Variants in NELL2 observed in about 807,000 individuals in gnomAD.
The protein encoded by NELL2 is protein kinase C-binding protein NELL2.
NELL2 carries 41 observed loss-of-function variants against 109.6 expected under a neutral mutation model. The ratio of observed to expected loss-of-function variants is 0.37; its 90% CI spans 0.29 to 0.49. NELL2 has a LOEUF of 0.49. Ranked by LOEUF, NELL2 falls within the 20% of genes least tolerant of loss-of-function variation. The pLI is 0.98. For synonymous variants in NELL2, 355 were observed against 344.7 expected (o/e 1.03, Z -0.33); for missense variants, 900 against 1,008.3 (o/e 0.89, Z 1.45).
At chr12:44,555,844 C>A (rs1943230723) in intron 15 of NELL2, among the ~76,000 whole-genome samples, 1 of 152,130 alleles carries the variant, frequency 6.6e-6, no homozygotes. Context: ...TCATTCCCTG[C>A]TTCCCTTATT....
chr12:44,720,023 G>A (rs560087364), intron 9 of NELL2, among the ~76,000 whole-genome samples: 110 of 115,458 alleles, frequency 9.5e-4, no homozygotes, highest in African/African-American at 2.5e-3. Context: ...CATTTATCCT[G>A]CCTACAACCT....
intron 9 of NELL2, among the ~76,000 whole-genome samples, chr12:44,758,726 A>T (rs1940998285): frequency 6.6e-6 from 1 of 152,176 alleles, no homozygotes; most frequent in South Asian, 2.1e-4. Flanking sequence ...TTCAATATAA[A>T]GCTGGGTTAG....
intron 5 of NELL2, among the ~76,000 whole-genome samples, chr12:44,777,911 G>GTC (rs1452381567): frequency 6.6e-6 from 1 of 152,128 alleles, no homozygotes; most frequent in Non-Finnish European, 1.5e-5. Context: ...AGCTGGAAAT[G>GTC]ACCTGTTTTA....
intron 2 of NELL2, among the ~76,000 whole-genome samples, chr12:44,832,781 A>G (rs1295397317): frequency 6.6e-6 from 1 of 152,232 alleles, no homozygotes; most frequent in Non-Finnish European, 1.5e-5. Flanking sequence ...ATTAAGACCA[A>G]AAGACTCTCC....
At chr12:44,812,897 G>A (rs1334015213) in intron 3 of NELL2, among the ~76,000 whole-genome samples, 1 of 152,150 alleles carries the variant, frequency 6.6e-6, no homozygotes, top group East Asian at 1.9e-4. Flanking sequence ...CAGCAGGTGG[G>A]CTCTATAATC....
intron 9 of NELL2, among the ~76,000 whole-genome samples, chr12:44,743,769 A>G (rs1485218593): frequency 2.0e-5 from 3 of 152,230 alleles, no homozygotes; most frequent in African/African-American, 4.8e-5. Flanking sequence ...ATATATATGC[A>G]CCCAATACAG....
intron 9 of NELL2, among the ~76,000 whole-genome samples, chr12:44,721,664 A>ATGT (rs1206092524): frequency 1.3e-5 from 2 of 151,798 alleles, no homozygotes; most frequent in African/African-American, 4.8e-5. Flanking sequence ...TGTTGTTTTG[A>ATGT]TGTTATAGTG....
intron 13 of NELL2, among the ~76,000 whole-genome samples, chr12:44,638,085 C>T (rs1946713692): frequency 6.6e-6 from 1 of 152,064 alleles, no homozygotes; most frequent in Non-Finnish European, 1.5e-5. Flanking sequence ...GAATTTTCTT[C>T]CTCAATGAAT....
At chr12:44,541,213 T>C (rs1239058135) in intron 15 of NELL2, among the ~76,000 whole-genome samples, 5 of 126,874 alleles carry the variant, frequency 3.9e-5, no homozygotes, top group Non-Finnish European at 7.8e-5. Flanking sequence ...ATCACGCCAC[T>C]GCACTCCAGC....
chr12:44,804,113 T>G (rs1254679167), intron 3 of NELL2, among the ~76,000 whole-genome samples: 1 of 152,034 alleles, frequency 6.6e-6, no homozygotes, highest in African/African-American at 2.4e-5. Context: ...GCTGAAATAT[T>G]CAATAATTGA....
At chr12:44,743,321 C>A (rs1251081360) in intron 9 of NELL2, among the ~76,000 whole-genome samples, 1 of 152,202 alleles carries the variant, frequency 6.6e-6, no homozygotes, top group South Asian at 2.1e-4. Context: ...TGGAAAGGAA[C>A]AACCGGTACC....
At position 44,599,905 on chromosome 12, in the gene NELL2, C is replaced by T. The variant is rs143643932; in HGVS notation, c.1663+7264G>A. Reference sequence around the variant, plus strand: ...CTTCTGAACAGAAACCTCAGAGGCCCCCCAAAAACAATGGAATACTGCCTT... The same window carrying T: ...CTTCTGAACAGAAACCTCAGAGGCCTCCCAAAAACAATGGAATACTGCCTT... On this transcript the variant is annotated intron_variant, in intron 15 of 19. Transcript: ENST00000429094. Among the ~76,000 whole-genome samples the T allele has an allele frequency of 6.6e-4, 100 of 150,796 alleles. 2 individuals are homozygous for T. In the East Asian group the frequency reaches 0.017, roughly 25 times the overall value.
chr12:44,775,231 A>G (rs1592508050), intron 8 of NELL2, among the ~76,000 whole-genome samples: 1 of 148,714 alleles, frequency 6.7e-6, no homozygotes, highest in African/African-American at 2.6e-5. Context: ...ACGCACGCAC[A>G]CACACATGCA....
At chr12:44,602,465 G>A (rs1945255960) in intron 15 of NELL2, among the ~76,000 whole-genome samples, 1 of 152,098 alleles carries the variant, frequency 6.6e-6, no homozygotes, top group South Asian at 2.1e-4. Context: ...AATGATTTGT[G>A]TACATGAAAT....
intron 13 of NELL2, among the ~76,000 whole-genome samples, chr12:44,628,917 A>AT (rs1946358769): frequency 6.6e-6 from 1 of 152,158 alleles, no homozygotes; most frequent in South Asian, 2.1e-4. Context: ...TAAATTTGAA[A>AT]TTTTAGAGGT....
At chr12:44,627,773 A>C (rs559616103) in intron 13 of NELL2, among the ~76,000 whole-genome samples, 2 of 152,370 alleles carry the variant, frequency 1.3e-5, no homozygotes, top group East Asian at 3.9e-4. Context: ...ACATAGTAAT[A>C]ACAAAGCAAT....
chr12:44,886,126 AGGAAGGAAGGAAG>A (rs1201553463), intron 1 of NELL2, among the ~76,000 whole-genome samples: 2 of 149,060 alleles, frequency 1.3e-5, no homozygotes, highest in African/African-American at 4.9e-5. Flanking sequence ...GAAGGAAGGA[AGGAAGGAAGGAAG>A]GAAGGAAGAA....
chr12:44,874,933 T>C (rs1428836879), intron 2 of NELL2: 1 of 276,014 alleles, frequency 3.6e-6, no homozygotes, highest in Non-Finnish European at 6.8e-6. Flanking sequence ...TTATAATTCA[T>C]TGTTCCCCAG....
chr12:44,590,169 T>C (rs7299371), intron 15 of NELL2, among the ~76,000 whole-genome samples: 1 of 152,040 alleles, frequency 6.6e-6, no homozygotes, highest in Admixed American at 6.5e-5. Context: ...ACTTATAGTT[T>C]AATTTTATAT....
Sources: allele counts gnomAD v4.1 joint callset (sites outside exome capture counted in the v4.1 genomes callset), GRCh38; gene constraint gnomAD v4.1.1; transcripts MANE v1.5; gene names NCBI Gene and HGNC (gene_info 2026-07-23, HGNC 2026-07-21).